The following ELMO1 variants were observed in gnomAD, a reference collection of about 807,000 sequenced individuals.
The protein encoded by ELMO1 is engulfment and cell motility protein 1.
ELMO1 carries 26 observed loss-of-function variants against 98.9 expected under a neutral mutation model. The ratio of observed to expected loss-of-function variants is 0.26; its 90% confidence interval spans 0.19 to 0.36. The LOEUF (loss-of-function observed/expected upper bound fraction) is 0.36, where lower values mean the gene tolerates loss of function less well. ELMO1 is among the 10% of genes least tolerant of loss of function. ELMO1 has a pLI of 1.00. For synonymous variants in ELMO1, 346 were observed against 346.0 expected (o/e 1.00, Z 0.00); for missense variants, 627 against 935.2 (o/e 0.67, Z 4.30).
intron 2 of ELMO1, among the ~76,000 whole-genome samples, chr7:37,329,871 C>G (rs1800010540): frequency 6.6e-6 from 1 of 152,220 alleles, no homozygotes; most frequent in Admixed American, 6.5e-5. Context: ...TTGTGTCTCC[C>G]TATCACTGTC....
intron 8 of ELMO1, among the ~76,000 whole-genome samples, chr7:37,225,862 T>C (rs1401669537): frequency 3.3e-5 from 5 of 152,230 alleles, no homozygotes; most frequent in African/African-American, 1.2e-4. Flanking sequence ...TATTACTGTC[T>C]GTTGACAGCT....
intron 1 of ELMO1, among the ~76,000 whole-genome samples, chr7:37,410,258 C>G (rs1352234748): frequency 1.3e-5 from 2 of 152,220 alleles, no homozygotes; most frequent in Non-Finnish European, 2.9e-5. Flanking sequence ...AGAAAGCTCC[C>G]TAAAGTTTTG....
At chr7:37,188,603 GT>G (rs1212077834) in intron 13 of ELMO1, among the ~76,000 whole-genome samples, 2 of 151,118 alleles carry the variant, frequency 1.3e-5, no homozygotes, top group African/African-American at 4.9e-5. Context: ...CATCTTAAGA[GT>G]TTTTTTTAAA....
intron 13 of ELMO1, among the ~76,000 whole-genome samples, chr7:37,166,799 A>T (rs1241323691): frequency 6.6e-6 from 1 of 152,188 alleles, no homozygotes; most frequent in East Asian, 1.9e-4. Flanking sequence ...TGGTGCTGAA[A>T]AAAATGTATA....
At chr7:37,126,521 T>A (rs1584688053) in intron 14 of ELMO1, among the ~76,000 whole-genome samples, 1 of 151,830 alleles carries the variant, frequency 6.6e-6, no homozygotes, top group East Asian at 1.9e-4. Flanking sequence ...GTATAATAAC[T>A]TACAAAATAA....
chr7:37,204,915 G>C (rs117816704), intron 13 of ELMO1, among the ~76,000 whole-genome samples: 1 of 152,118 alleles, frequency 6.6e-6, no homozygotes, highest in Admixed American at 6.5e-5. Context: ...CCTATAGCTA[G>C]GCAGAAAAGT....
At chr7:36,883,094 G>T (rs574706518) in intron 18 of ELMO1, among the ~76,000 whole-genome samples, 1 of 152,212 alleles carries the variant, frequency 6.6e-6, no homozygotes, top group African/African-American at 2.4e-5. Context: ...TTCTGAGGGG[G>T]CCTCCAGAGC....
chr7:37,013,897 A>G (rs1200783887), intron 15 of ELMO1, among the ~76,000 whole-genome samples: 3 of 152,236 alleles, frequency 2.0e-5, no homozygotes, highest in Non-Finnish European at 2.9e-5. Flanking sequence ...AACAGCATCC[A>G]TGATTATTTC....
At chr7:37,024,898 A>G (rs187909169) in intron 15 of ELMO1, among the ~76,000 whole-genome samples, 58 of 152,318 alleles carry the variant, frequency 3.8e-4, no homozygotes, top group Non-Finnish European at 7.4e-4. Flanking sequence ...CTGATCTCCT[A>G]GAAAGTTATA....
At chr7:37,208,692 G>GTTTACTGAATACCCA (rs1330134081) in intron 13 of ELMO1, among the ~76,000 whole-genome samples, 4 of 152,142 alleles carry the variant, frequency 2.6e-5, no homozygotes, top group African/African-American at 9.7e-5. Flanking sequence ...TGTTTACTGA[G>GTTTACTGAATACCCA]GCCTGTCTAT....
At chr7:37,048,993 C>T (rs547399848) in intron 15 of ELMO1, among the ~76,000 whole-genome samples, 1 of 152,206 alleles carries the variant, frequency 6.6e-6, no homozygotes, top group South Asian at 2.1e-4. Context: ...GTGAGGGAGA[C>T]CCACTGGGAA....
chr7:37,313,370 G>A (rs527873337), intron 4 of ELMO1, among the ~76,000 whole-genome samples: 3 of 152,166 alleles, frequency 2.0e-5, no homozygotes, highest in South Asian at 2.1e-4. Flanking sequence ...GATTACAGGC[G>A]CCCATCACCA....
chr7:37,077,477 A>G (rs1407191143), intron 15 of ELMO1, among the ~76,000 whole-genome samples: 4 of 152,226 alleles, frequency 2.6e-5, no homozygotes, highest in East Asian at 1.9e-4. Context: ...TCATGGCCCA[A>G]TGGGAGTTTT....
rs113646918 is a variant in ELMO1 at position 37,118,502 on chromosome 7, G to A, written c.1191+14628C>T. 6.7e-3 allele frequency among the ~76,000 whole-genome samples: 1,013 copies of A among 152,282 alleles called. 10 individuals carry two copies. Among genetic ancestry groups the A allele is most frequent in the African/African-American group, 0.023 (960 of 41,548 alleles). On this transcript the variant is annotated intron_variant, in intron 14 of 21. Coordinates refer to ENST00000310758, the MANE Select transcript of ELMO1 (RefSeq NM_014800.11). ...ACACCCAACCAAAGATGAAATGCCT[G>A]CTTTCTGGGAGTTTACAAGGATGAA...
At chr7:36,906,897 C>T (rs550119051) in intron 16 of ELMO1, among the ~76,000 whole-genome samples, 110 of 152,138 alleles carry the variant, frequency 7.2e-4, no homozygotes, top group African/African-American at 2.5e-3. Context: ...TTATGCACAC[C>T]GTTTCTTTGC....
intron 16 of ELMO1, among the ~76,000 whole-genome samples, chr7:36,966,919 C>T (rs1789486166): frequency 6.6e-6 from 1 of 152,300 alleles, no homozygotes; most frequent in Non-Finnish European, 1.5e-5. Context: ...GCTCGCTGGC[C>T]ACTGGAGAAC....
At chr7:37,384,422 AGTTT>A (rs1342096285) in intron 1 of ELMO1, among the ~76,000 whole-genome samples, 1 of 152,140 alleles carries the variant, frequency 6.6e-6, no homozygotes. Flanking sequence ...AGAAGTTTCC[AGTTT>A]GTTTATTTGT....
intron 1 of ELMO1, among the ~76,000 whole-genome samples, chr7:37,364,226 G>A (rs1331289108): frequency 6.6e-6 from 1 of 152,152 alleles, no homozygotes; most frequent in African/African-American, 2.4e-5. Context: ...ACTCTAAGCA[G>A]TTTTCATCTA....
At chr7:37,372,191 C>G (rs1268291890) in intron 1 of ELMO1, among the ~76,000 whole-genome samples, 2 of 151,270 alleles carry the variant, frequency 1.3e-5, no homozygotes, top group African/African-American at 4.9e-5. Flanking sequence ...TCTAGTCTTG[C>G]CCCCACATTT....
Sources: gnomAD v4.1 joint callset for allele counts (sites outside exome capture counted in the v4.1 genomes callset) on GRCh38, gnomAD v4.1.1 for gene constraint, MANE v1.5 for transcripts, NCBI Gene and HGNC (gene_info 2026-07-23, HGNC 2026-07-21) for gene names.